GALNTL6: variants seen among roughly 807,000 people sequenced by gnomAD.
The protein encoded by GALNTL6 is polypeptide N-acetylgalactosaminyltransferase like 6, also known as polypeptide N-acetylgalactosaminyltransferase-like 6.
Under a neutral mutation model 73.7 loss-of-function variants are expected in GALNTL6, and 46 were observed. The ratio of observed to expected loss-of-function variants is 0.62; its 90% confidence interval spans 0.49 to 0.80. The LOEUF (loss-of-function observed/expected upper bound fraction) is 0.80. Among genes scored for constraint, GALNTL6 ranks in the 30% least tolerant of loss-of-function variants. The probability of loss-of-function intolerance (pLI) is 0.00; values close to 1 mark genes in which losing one functional copy is unlikely to be tolerated. For synonymous variants in GALNTL6, 259 were observed against 263.7 expected (o/e 0.98, Z 0.17); for missense variants, 604 against 755.0 (o/e 0.80, Z 2.34).
chr4:171,848,100 G>A (rs1170303930), intron 2 of GALNTL6, among the ~76,000 whole-genome samples: 1 of 152,034 alleles, frequency 6.6e-6, no homozygotes, highest in African/African-American at 2.4e-5. Context: ...CTTGATCCAG[G>A]GACTGCAGAA....
chr4:172,916,056 G>A (rs949819473), intron 8 of GALNTL6, among the ~76,000 whole-genome samples: 3 of 152,142 alleles, frequency 2.0e-5, no homozygotes, highest in African/African-American at 4.8e-5. Flanking sequence ...CCACAATCAA[G>A]TTGGCTTCAT....
At chr4:172,408,162 T>C (rs1744303291) in intron 5 of GALNTL6, among the ~76,000 whole-genome samples, 1 of 152,204 alleles carries the variant, frequency 6.6e-6, no homozygotes. Context: ...AACTTGAAAG[T>C]CTGTCATAAG....
At chr4:172,604,182 G>T (rs946768520) in intron 5 of GALNTL6, among the ~76,000 whole-genome samples, 1 of 152,116 alleles carries the variant, frequency 6.6e-6, no homozygotes, top group East Asian at 1.9e-4. Context: ...AGAGAAGATC[G>T]ATGGGAGATA....
At chr4:171,926,456 G>T (rs910358769) in intron 2 of GALNTL6, among the ~76,000 whole-genome samples, 1 of 151,996 alleles carries the variant, frequency 6.6e-6, no homozygotes, top group African/African-American at 2.4e-5. Context: ...CTCTGTACAT[G>T]TCTCTTTGTG....
intron 5 of GALNTL6, among the ~76,000 whole-genome samples, chr4:172,444,395 A>G (rs1230261751): frequency 6.6e-6 from 1 of 152,136 alleles, no homozygotes; most frequent in Non-Finnish European, 1.5e-5. Context: ...ATAATTATCT[A>G]AGGTAGGCCC....
intron 2 of GALNTL6, among the ~76,000 whole-genome samples, chr4:172,009,659 T>C (rs565494564): frequency 6.6e-6 from 1 of 152,230 alleles, no homozygotes; most frequent in African/African-American, 2.4e-5. Context: ...GTATATTGCA[T>C]TGTTTTACAT....
At chr4:173,009,140 C>T (rs1322288827) in intron 10 of GALNTL6, 38 bp from the exon 11 acceptor site, 1 of 1,350,972 alleles carries the variant, frequency 7.4e-7, no homozygotes. Context: ...TAAAATACGA[C>T]ATAGCCCCAC....
intron 3 of GALNTL6, among the ~76,000 whole-genome samples, chr4:172,288,778 A>G (rs943145789): frequency 6.6e-6 from 1 of 152,102 alleles, no homozygotes; most frequent in Non-Finnish European, 1.5e-5. Context: ...TTAACTGTAA[A>G]TTGTAACTCG....
chr4:172,138,341 CT>C, intron 2 of GALNTL6, among the ~76,000 whole-genome samples: 1 of 148,910 alleles, frequency 6.7e-6, no homozygotes, highest in African/African-American at 2.5e-5. Flanking sequence ...TATATTACTC[CT>C]TTTTGCATTT....
intron 8 of GALNTL6, among the ~76,000 whole-genome samples, chr4:172,899,427 T>C (rs1746504974): frequency 1.3e-5 from 2 of 152,172 alleles, no homozygotes; most frequent in South Asian, 2.1e-4. Flanking sequence ...TTTTAAGACC[T>C]TTTTGTAGAT....
chr4:171,998,470 C>T (rs1431789965), intron 2 of GALNTL6, among the ~76,000 whole-genome samples: 2 of 152,036 alleles, frequency 1.3e-5, no homozygotes, highest in Non-Finnish European at 2.9e-5. Flanking sequence ...GGTTATGGCC[C>T]ACTCTAAAAG....
At chr4:172,914,925 C>A (rs908910248) in intron 8 of GALNTL6, among the ~76,000 whole-genome samples, 3 of 152,198 alleles carry the variant, frequency 2.0e-5, no homozygotes, top group Non-Finnish European at 4.4e-5. Flanking sequence ...GAACTCTCCA[C>A]CCCAAATCAA....
chr4:172,058,217 C>T (rs1047037642), intron 2 of GALNTL6, among the ~76,000 whole-genome samples: 1 of 151,868 alleles, frequency 6.6e-6, no homozygotes, highest in Admixed American at 6.6e-5. Context: ...TGTCTCCACC[C>T]CAAGTAGCTG....
intron 5 of GALNTL6, among the ~76,000 whole-genome samples, chr4:172,417,598 G>A (rs951955594): frequency 1.3e-5 from 2 of 151,988 alleles, no homozygotes; most frequent in Non-Finnish European, 2.9e-5. Flanking sequence ...GCAGTGAGCC[G>A]AGATTTTGCC....
intron 5 of GALNTL6, chr4:172,667,726 A>G: frequency 6.6e-6 from 1 of 152,360 alleles, no homozygotes. Flanking sequence ...ATTTTGTGGG[A>G]CATCTTTTGA....
At chr4:171,949,725 A>G (rs1429867965) in intron 2 of GALNTL6, among the ~76,000 whole-genome samples, 2 of 152,220 alleles carry the variant, frequency 1.3e-5, no homozygotes, top group Non-Finnish European at 2.9e-5. Flanking sequence ...TTAATGAATC[A>G]CACAATGAGT....
At chr4:172,542,147 G>A (rs890889258) in intron 5 of GALNTL6, among the ~76,000 whole-genome samples, 3 of 151,598 alleles carry the variant, frequency 2.0e-5, no homozygotes, top group African/African-American at 7.3e-5. Flanking sequence ...AGAAAGGACC[G>A]GCTGGCGGCA....
intron 5 of GALNTL6, among the ~76,000 whole-genome samples, chr4:172,714,407 C>A (rs1435158286): frequency 6.6e-6 from 1 of 151,986 alleles, no homozygotes; most frequent in Admixed American, 6.6e-5. Context: ...CATCACTGAT[C>A]CTGCCTCATT....
chr4:172,288,312 C>T (rs368880282), intron 3 of GALNTL6, among the ~76,000 whole-genome samples: 4 of 152,010 alleles, frequency 2.6e-5, no homozygotes, highest in East Asian at 3.9e-4. Context: ...AGGACGGTCT[C>T]GATCTCCTGA....
Sources: gnomAD v4.1 joint callset for allele counts (sites outside exome capture counted in the v4.1 genomes callset) on GRCh38, gnomAD v4.1.1 for gene constraint, MANE v1.5 for transcripts, NCBI Gene and HGNC (gene_info 2026-07-23, HGNC 2026-07-21) for gene names.